Variants in ABHD3 observed in about 807,000 individuals in gnomAD.
The protein encoded by ABHD3 is abhydrolase domain containing 3, phospholipase, also known as phospholipase ABHD3.
ABHD3 carries 46 observed loss-of-function variants against 48.8 expected under a neutral mutation model. The observed-to-expected ratio is 0.94, with a 90% confidence interval of 0.74 to 1.20. ABHD3 has a LOEUF of 1.20. ABHD3 is among the 50% of genes most tolerant of loss of function. The pLI is 0.00. For synonymous variants in ABHD3, 192 were observed against 183.7 expected (o/e 1.04, Z -0.36); for missense variants, 490 against 497.8 (o/e 0.98, Z 0.15).
chr18:21,671,943 A>T (rs2039766906), intron 4 of ABHD3, among the ~76,000 whole-genome samples: 1 of 152,230 alleles, frequency 6.6e-6, no homozygotes, highest in African/African-American at 2.4e-5. Context: ...GGCCAACAAC[A>T]GTAATTTAAT....
At chr18:21,667,826 T>TA (rs1294820734) in intron 4 of ABHD3, among the ~76,000 whole-genome samples, 1 of 151,690 alleles carries the variant, frequency 6.6e-6, no homozygotes, top group Non-Finnish European at 1.5e-5. Context: ...CTCCGACACT[T>TA]AAAAAAAATA....
At chr18:21,690,531 G>A (rs2146326926) in intron 3 of ABHD3, among the ~76,000 whole-genome samples, 1 of 152,252 alleles carries the variant, frequency 6.6e-6, no homozygotes, top group South Asian at 2.1e-4. Context: ...GAACCCAGGA[G>A]GCGGAGCTTG....
Position 21,703,631 on chromosome 18 carries a change from G to A in ABHD3, c.279C>T (p.Thr93=), listed in dbSNP as rs578165427. The change falls in exon 2 of 9, where the codon ACC becomes ACT. Residue 93 remains threonine (T), a synonymous_variant. Coordinates refer to ENST00000289119, the MANE Select transcript of ABHD3 (RefSeq NM_138340.5). ...TCGAAGTGATGAAAGGTCTAAGCAG[G>A]GTCTGTCCTCGACCCTCCCAGCACC... ...TVWCWEGRGQ[T]LLRPFITSKP... is the part of the protein sequence containing the mutation. 81 of 1,614,026 alleles carry A rather than the reference G, an allele frequency of 5.0e-5. No homozygotes were observed. The East Asian group carries it at 1.6e-3, about 31-fold the overall frequency.
intron 3 of ABHD3, chr18:21,701,282 T>C (rs1013279211): frequency 1.3e-5 from 2 of 151,678 alleles, no homozygotes; most frequent in African/African-American, 2.4e-5. Context: ...GGCACGATCA[T>C]GGTTCACTAC....
chr18:21,690,151 T>C (rs1391347091), intron 3 of ABHD3, among the ~76,000 whole-genome samples: 1 of 151,650 alleles, frequency 6.6e-6, no homozygotes, highest in East Asian at 1.9e-4. Context: ...CTCAGCATAA[T>C]AAAATTTATT....
In ABHD3 at chr18:21,702,341, G is replaced by A. The variant is rs563504275; in HGVS notation, c.484C>T (p.His162Tyr). 2 of 1,603,908 alleles carry A rather than the reference G, an allele frequency of 1.2e-6. No homozygotes were observed. The highest frequency in any genetic ancestry group is 1.1e-5 in the South Asian group (1 of 88,988). ...CTGTATCCTAATTCTTCACTAAGAT[G>A]GATCATATGAAGGATATATGACTCC... ...SKESYILHMIHLSEELGYRCV... is the reference protein window; with the variant it reads ...SKESYILHMIYLSEELGYRCV... Residue 162 changes from histidine to tyrosine, a missense_variant, in exon 3 of 9, where the codon CAT (histidine) becomes TAT (tyrosine). Physicochemically the swap from His to Tyr is moderately conservative, Grantham distance 83 (BLOSUM62 2). Coordinates refer to ENST00000289119, the MANE Select transcript of ABHD3 (RefSeq NM_138340.5).
chr18:21,696,650 A>C (rs1201911023), intron 3 of ABHD3, among the ~76,000 whole-genome samples: 1 of 152,164 alleles, frequency 6.6e-6, no homozygotes, highest in Non-Finnish European at 1.5e-5. Flanking sequence ...CCTTTTCTCC[A>C]GCTTTCTGGT....
chr18:21,669,092 A>G (rs8083930), intron 4 of ABHD3, among the ~76,000 whole-genome samples: 2,082 of 151,982 alleles, frequency 0.014, 53 homozygotes, highest in African/African-American at 0.048. Flanking sequence ...AAAAACCCAC[A>G]CCCAAAATTA....
chr18:21,660,038 G>A (rs2039452879), intron 5 of ABHD3, among the ~76,000 whole-genome samples: 1 of 146,180 alleles, frequency 6.8e-6, no homozygotes, highest in Non-Finnish European at 1.5e-5. Context: ...CACACCTTAG[G>A]GCAGCCTTGA....
At chr18:21,687,495 G>A (rs1002887755) in intron 3 of ABHD3, among the ~76,000 whole-genome samples, 4 of 152,196 alleles carry the variant, frequency 2.6e-5, no homozygotes. Context: ...ACAGGCGTGA[G>A]CCACCACACC....
intron 4 of ABHD3, among the ~76,000 whole-genome samples, chr18:21,680,216 A>G: frequency 6.6e-6 from 1 of 151,554 alleles, no homozygotes; most frequent in Non-Finnish European, 1.5e-5. Context: ...GGGTTTCACC[A>G]TATTGGCCAC....
intron 4 of ABHD3, among the ~76,000 whole-genome samples, chr18:21,677,777 G>A (rs186434431): frequency 1.3e-5 from 2 of 151,942 alleles, no homozygotes; most frequent in East Asian, 3.9e-4. Context: ...TCCACCTCCC[G>A]GGTTCAAGCG....
intron 3 of ABHD3, 67 bp downstream of exon 3, chr18:21,702,249 C>T: frequency 7.6e-7 from 1 of 1,322,374 alleles, no homozygotes; most frequent in East Asian, 2.5e-5. Context: ...CTGAAACAAA[C>T]ATGTAGATAT....
At chr18:21,682,737 T>TCC (rs372836257) in intron 4 of ABHD3, among the ~76,000 whole-genome samples, 16 of 152,000 alleles carry the variant, frequency 1.1e-4, no homozygotes, top group African/African-American at 3.9e-4. Flanking sequence ...GACCATGTCT[T>TCC]CCCCCCCGGC....
chr18:21,693,403 C>G (rs2040296645), intron 3 of ABHD3, among the ~76,000 whole-genome samples: 1 of 152,184 alleles, frequency 6.6e-6, no homozygotes, highest in Non-Finnish European at 1.5e-5. Context: ...TGAACCCAGG[C>G]AGATCCGACT....
intron 3 of ABHD3, among the ~76,000 whole-genome samples, chr18:21,695,039 C>CA (rs1555682690): frequency 6.7e-6 from 1 of 149,824 alleles, no homozygotes; most frequent in African/African-American, 2.4e-5. Context: ...ATATGATTTT[C>CA]TTTTTTTTTT....
chr18:21,676,606 G>A (rs1035448120), intron 4 of ABHD3, among the ~76,000 whole-genome samples: 2 of 152,190 alleles, frequency 1.3e-5, no homozygotes, highest in Non-Finnish European at 2.9e-5. Flanking sequence ...GGCCAGGCTG[G>A]TCTCGAACTC....
chr18:21,688,854 A>G (rs1414287823), intron 3 of ABHD3, among the ~76,000 whole-genome samples: 3 of 152,350 alleles, frequency 2.0e-5, no homozygotes, highest in Non-Finnish European at 2.9e-5. Flanking sequence ...TATGTATTAA[A>G]TGTTCTAAGG....
At chr18:21,693,128 T>C (rs1016612464) in intron 3 of ABHD3, among the ~76,000 whole-genome samples, 2 of 152,166 alleles carry the variant, frequency 1.3e-5, no homozygotes, top group Non-Finnish European at 2.9e-5. Flanking sequence ...GTAGGCAGTA[T>C]CTCATTTTAA....
Sources: allele counts gnomAD v4.1 joint callset (sites outside exome capture counted in the v4.1 genomes callset), GRCh38; gene constraint gnomAD v4.1.1; transcripts MANE v1.5; gene names NCBI Gene and HGNC (gene_info 2026-07-23, HGNC 2026-07-21).